GABRR3: variants seen among roughly 807,000 people sequenced by gnomAD.
GABRR3 encodes gamma-aminobutyric acid type A receptor subunit rho3, also known as gamma-aminobutyric acid receptor subunit rho-3.
A neutral mutation model predicts 43.2 loss-of-function variants in GABRR3; 29 were observed. The observed-to-expected ratio is 0.67, with a 90% CI of 0.50 to 0.92. The LOEUF (loss-of-function observed/expected upper bound fraction) is 0.92, where lower values mean the gene tolerates loss of function less well. Ranked by LOEUF, GABRR3 falls within the 40% of genes least tolerant of loss-of-function variation. The pLI is 0.00. For synonymous variants in GABRR3, 206 were observed against 195.9 expected (o/e 1.05, Z -0.43); for missense variants, 576 against 572.3 (o/e 1.01, Z -0.07).
intron 5 of GABRR3, 59 bp downstream of exon 5, chr3:98,012,285 G>T: frequency 8.1e-7 from 1 of 1,237,654 alleles, no homozygotes. Context: ...AGCATCATCA[G>T]CTTTGGTGCA....
intron 8 of GABRR3, chr3:97,997,697 CTG>C (rs1225523065): frequency 6.6e-6 from 1 of 152,172 alleles, no homozygotes; most frequent in Non-Finnish European, 1.5e-5. Context: ...AGCTTTATAA[CTG>C]TGGTCATCTG....
chr3:97,990,366 G>T (rs538464934), intron 9 of GABRR3, among the ~76,000 whole-genome samples: 3 of 151,306 alleles, frequency 2.0e-5, no homozygotes, highest in African/African-American at 7.3e-5. Context: ...TTTTTTAGAC[G>T]GAGTCTTATT....
At chr3:98,033,159 G>C (rs1707111287) in intron 2 of GABRR3, among the ~76,000 whole-genome samples, 1 of 152,084 alleles carries the variant, frequency 6.6e-6, no homozygotes, top group Non-Finnish European at 1.5e-5. Context: ...CAGTGTGATG[G>C]TTTATGCAAT....
At chr3:98,021,990 G>C (rs1036019038) in intron 3 of GABRR3, among the ~76,000 whole-genome samples, 2 of 152,170 alleles carry the variant, frequency 1.3e-5, no homozygotes, top group African/African-American at 4.8e-5. Flanking sequence ...TACAACACGT[G>C]CCTGAAACCC....
chr3:97,996,370 T>C (rs1205349467), intron 8 of GABRR3, among the ~76,000 whole-genome samples: 2 of 152,194 alleles, frequency 1.3e-5, no homozygotes, highest in Non-Finnish European at 2.9e-5. Flanking sequence ...GTGGTACAAA[T>C]AACTGTCATT....
At chr3:98,013,144 T>TGAG (rs1576044591) in intron 4 of GABRR3, among the ~76,000 whole-genome samples, 1 of 152,196 alleles carries the variant, frequency 6.6e-6, no homozygotes, top group East Asian at 1.9e-4. Flanking sequence ...GAAAGCATAT[T>TGAG]GTGAAATGGT....
intron 8 of GABRR3, 102 bp from the exon 9 acceptor site, chr3:97,993,150 C>T (rs544741488): frequency 1.1e-6 from 1 of 929,352 alleles, no homozygotes; most frequent in Non-Finnish European, 1.6e-6. Context: ...CAATATCAAC[C>T]TGGTGATCCA....
intron 4 of GABRR3, among the ~76,000 whole-genome samples, chr3:98,016,824 AAATGTCTCTGGT>A (rs1706877722): frequency 6.6e-6 from 1 of 152,230 alleles, no homozygotes; most frequent in South Asian, 2.1e-4. Flanking sequence ...CTTAAATGAA[AAATGTCTCTGGT>A]AATTATGTAA....
intron 3 of GABRR3, among the ~76,000 whole-genome samples, chr3:98,025,029 A>T (rs1706993860): frequency 6.6e-6 from 1 of 152,218 alleles, no homozygotes; most frequent in African/African-American, 2.4e-5. Flanking sequence ...TGCAATATTA[A>T]GTATCATGAC....
chr3:97,994,147 A>C (rs546608212), intron 8 of GABRR3, among the ~76,000 whole-genome samples: 2 of 152,366 alleles, frequency 1.3e-5, no homozygotes, highest in East Asian at 3.9e-4. Context: ...CAACAGACAG[A>C]GTCTCAAACA....
chr3:98,010,739 T>C (rs1706779288), intron 5 of GABRR3, among the ~76,000 whole-genome samples: 1 of 152,210 alleles, frequency 6.6e-6, no homozygotes, highest in South Asian at 2.1e-4. Flanking sequence ...GATAGTGTCG[T>C]TCTGCTCCTG....
intron 9 of GABRR3, among the ~76,000 whole-genome samples, chr3:97,992,043 T>A (rs1048793262): frequency 6.6e-6 from 1 of 152,148 alleles, no homozygotes; most frequent in East Asian, 1.9e-4. Flanking sequence ...AAGTACAATA[T>A]CTTATATAAG....
At chr3:98,016,025 G>A (rs375581090) in intron 4 of GABRR3, among the ~76,000 whole-genome samples, 1 of 152,140 alleles carries the variant, frequency 6.6e-6, no homozygotes, top group Non-Finnish European at 1.5e-5. Context: ...CTTCTTCACA[G>A]GGCAGCAGGA....
At chr3:97,985,933 C>G (rs1274539058), downstream of GABRR3, among the ~76,000 whole-genome samples, 1 of 152,008 alleles carries the variant, frequency 6.6e-6, no homozygotes, top group Non-Finnish European at 1.5e-5. Context: ...GTGGCTCAAT[C>G]TCAGCTCACT....
intron 2 of GABRR3, among the ~76,000 whole-genome samples, chr3:98,033,943 T>G (rs1476608741): frequency 1.3e-5 from 2 of 152,140 alleles, no homozygotes; most frequent in Non-Finnish European, 2.9e-5. Flanking sequence ...CAGAAGATAT[T>G]TATCAAAATT....
intron 9 of GABRR3, among the ~76,000 whole-genome samples, chr3:97,989,511 G>C (rs1388198337): frequency 6.6e-6 from 1 of 151,630 alleles, no homozygotes; most frequent in African/African-American, 2.4e-5. Context: ...GGATGATGGT[G>C]GGTGGTGGAT....
chr3:98,013,124 T>A (rs1706823634), intron 4 of GABRR3, among the ~76,000 whole-genome samples: 1 of 152,204 alleles, frequency 6.6e-6, no homozygotes, highest in South Asian at 2.1e-4. Context: ...CATCCTCAGC[T>A]TGAGAGATAG....
intron 4 of GABRR3, 83 bp downstream of exon 4, chr3:98,017,572 G>T: frequency 1.1e-6 from 1 of 928,848 alleles, no homozygotes; most frequent in Non-Finnish European, 1.7e-6. Flanking sequence ...TAATTAAAAT[G>T]ATTTATTAAA....
At chr3:98,008,263 C>T (rs1294344464) in intron 6 of GABRR3, among the ~76,000 whole-genome samples, 1 of 152,218 alleles carries the variant, frequency 6.6e-6, no homozygotes, top group Non-Finnish European at 1.5e-5. Flanking sequence ...TGACTCCAGG[C>T]TGTTAGTCCC....
Sources: gnomAD v4.1 joint callset for allele counts (sites outside exome capture counted in the v4.1 genomes callset) on GRCh38, gnomAD v4.1.1 for gene constraint, MANE v1.5 for transcripts, NCBI Gene and HGNC (gene_info 2026-07-23, HGNC 2026-07-21) for gene names.